Variants in XPO4 observed in about 807,000 individuals in gnomAD.
XPO4 encodes exportin 4.
Under a neutral mutation model 143.0 loss-of-function variants are expected in XPO4, and 39 were observed. The observed-to-expected ratio is 0.27, with a 90% CI of 0.21 to 0.36. The LOEUF is 0.36. Among genes scored for constraint, XPO4 ranks in the 10% least tolerant of loss-of-function variants. The pLI is 1.00. For synonymous variants in XPO4, 439 were observed against 474.0 expected (o/e 0.93, Z 0.96); for missense variants, 907 against 1,348.0 (o/e 0.67, Z 5.12).
chr13:20,896,580 C>T (rs1401642898), intron 1 of XPO4, among the ~76,000 whole-genome samples: 1 of 152,120 alleles, frequency 6.6e-6, no homozygotes, highest in East Asian at 1.9e-4. Flanking sequence ...ATTTTTCTTA[C>T]ATCTGGTCAT....
intron 20 of XPO4, among the ~76,000 whole-genome samples, chr13:20,788,148 C>T (rs1346966815): frequency 6.6e-5 from 10 of 151,600 alleles, no homozygotes; most frequent in African/African-American, 2.4e-5. Context: ...CTCCGCCTCC[C>T]GGGTTCAAGC....
chr13:20,812,882 G>GA (rs548422624), intron 9 of XPO4, among the ~76,000 whole-genome samples: 103 of 151,656 alleles, frequency 6.8e-4, no homozygotes, highest in African/African-American at 2.4e-3. Flanking sequence ...TTTAAATACA[G>GA]AAAAAAAGTG....
intron 1 of XPO4, among the ~76,000 whole-genome samples, chr13:20,881,433 TA>T (rs2060408719): frequency 6.6e-6 from 1 of 152,084 alleles, no homozygotes; most frequent in Admixed American, 6.6e-5. Context: ...CATGCCCAGC[TA>T]ATTTTTTTGG....
At chr13:20,852,567 T>C in intron 4 of XPO4, 2 of 983,316 alleles carry the variant, frequency 2.0e-6, no homozygotes, top group Non-Finnish European at 2.4e-6. Flanking sequence ...CATGAACAAA[T>C]CTTATAATAT....
chr13:20,849,977 G>A (rs932862068), intron 4 of XPO4: 5 of 542,308 alleles, frequency 9.2e-6, no homozygotes, highest in Non-Finnish European at 1.2e-5. Flanking sequence ...ATAGTGGCAT[G>A]CGCCTGTAGT....
At chr13:20,807,410 A>T (rs1425158691) in intron 13 of XPO4, 47 bp downstream of exon 13, 3 of 1,544,792 alleles carry the variant, frequency 1.9e-6, no homozygotes. Flanking sequence ...CAGAATTTAT[A>T]AAACAGTATA....
At chr13:20,864,376 C>T (rs1366561033) in intron 2 of XPO4, among the ~76,000 whole-genome samples, 1 of 152,084 alleles carries the variant, frequency 6.6e-6, no homozygotes, top group Non-Finnish European at 1.5e-5. Context: ...TTTTCTACTG[C>T]AATAGTAAAA....
chr13:20,780,180 A>C lies in XPO4; in HGVS notation c.*3542T>G, dbSNP rs981150710. ...GAGGTTCCTTCTGACTTAAAAGGTT[A>C]ATGTTTTATTCAGGAACCAATAACA... On this transcript the variant is annotated 3_prime_UTR_variant, in exon 23 of 23. Coordinates refer to ENST00000255305, the MANE Select transcript of XPO4 (RefSeq NM_022459.5). 6.6e-6 allele frequency: 1 copy of C among 152,230 alleles called. No individual in the cohort carries two copies. The highest frequency in any genetic ancestry group is 1.5e-5 in the Non-Finnish European group (1 of 68,038). The allele number at this position is 152,230 out of a possible 1,614,324, so 9.4% of individuals were successfully genotyped here.
At position 20,843,845 on chromosome 13, in the gene XPO4, T is replaced by C; in HGVS notation, c.498A>G (p.Glu166=). 6.2e-7 allele frequency: 1 copy of C among 1,613,410 alleles called. No individual in the cohort carries two copies. The highest frequency in any genetic ancestry group is 1.7e-4 in the Middle Eastern group (1 of 6,054). ...ACSILTALLS[E]FSSSSKTSNI... is the part of the protein sequence containing the mutation. ...TGCTAGTTTTACTTGAACTTGAAAA[T>C]TCACTCAATAGCGCAGTCAGAATAG... The change falls in exon 5 of 23, where the codon GAA becomes GAG. Residue 166 remains glutamate, a synonymous_variant. Coordinates refer to ENST00000255305, the MANE Select transcript of XPO4 (RefSeq NM_022459.5).
chr13:20,787,039 C>A lies in XPO4; in HGVS notation c.3184G>T (p.Val1062Phe). The A allele has an allele frequency of 6.4e-7, 1 of 1,564,550 alleles. No homozygotes were observed. Among genetic ancestry groups the A allele is most frequent in the Non-Finnish European group, 8.7e-7 (1 of 1,152,016 alleles). Residue 1062 changes from valine to phenylalanine, a missense_variant, in exon 22 of 23, where the codon GTT becomes TTT. Val to Phe is a conservative substitution (Grantham distance 50, BLOSUM62 -1). Coordinates refer to ENST00000255305, the MANE Select transcript of XPO4 (RefSeq NM_022459.5). ...ATCTCTGTGTTGTGCTTTTGCAAAACCAGCATATCAAAAACCAGCTGAAAT... is the reference window on the plus strand; with the variant it reads ...ATCTCTGTGTTGTGCTTTTGCAAAAACAGCATATCAAAAACCAGCTGAAAT... ...HFLKLVFDML[V>F]LQKHNTEMTT...
intron 6 of XPO4, among the ~76,000 whole-genome samples, chr13:20,841,117 T>C (rs2059969088): frequency 6.6e-6 from 1 of 152,220 alleles, no homozygotes; most frequent in Admixed American, 6.5e-5. Flanking sequence ...CTTTAAAATA[T>C]ATGCAGTGTA....
intron 1 of XPO4, among the ~76,000 whole-genome samples, chr13:20,887,440 T>C (rs914482812): frequency 6.6e-6 from 1 of 152,184 alleles, no homozygotes; most frequent in Admixed American, 6.5e-5. Flanking sequence ...ATTAAAAATA[T>C]TAATAAAAAG....
chr13:20,830,225 T>C (rs572777848), intron 6 of XPO4, among the ~76,000 whole-genome samples: 5 of 152,314 alleles, frequency 3.3e-5, no homozygotes, highest in African/African-American at 9.6e-5. Flanking sequence ...TCCTTACACG[T>C]GGCCACGAGC....
chr13:20,894,976 G>C (rs942200498), intron 1 of XPO4, among the ~76,000 whole-genome samples: 3 of 152,016 alleles, frequency 2.0e-5, no homozygotes, highest in Non-Finnish European at 2.9e-5. Flanking sequence ...TCAGGAGTTT[G>C]AGAACAGCCT....
Position 20,874,360 on chromosome 13 carries a change from CTTG to C in XPO4, c.70-5662_70-5660del, listed in dbSNP as rs141935978. On this transcript the variant is annotated intron_variant, in intron 1 of 22. Coordinates refer to ENST00000255305, the MANE Select transcript of XPO4 (RefSeq NM_022459.5). ...TTTAAGGATTTCTTAGGTTTAATTT[CTTG>C]TTTATCTTTGACAGAGACAGACGGT... Among the ~76,000 whole-genome samples the C allele has an allele frequency of 1.5e-3, 230 of 152,300 alleles. 4 individuals are homozygous for C. In the East Asian group the frequency reaches 0.042, roughly 27 times the overall value.
chr13:20,877,019 CACAGAGTGCTGATTGGTGCGTTTTT>C (rs1173610774), intron 1 of XPO4, among the ~76,000 whole-genome samples: 2 of 152,116 alleles, frequency 1.3e-5, no homozygotes, highest in East Asian at 1.9e-4. Flanking sequence ...TTTAGCTAGA[CACAGAGTGCTGATTGGTGCGTTTTT>C]ACAGAGTGCT....
chr13:20,853,319 C>A (rs1210385974), intron 4 of XPO4, among the ~76,000 whole-genome samples: 1 of 118,110 alleles, frequency 8.5e-6, no homozygotes, highest in Non-Finnish European at 1.7e-5. Flanking sequence ...TGCAACAGAG[C>A]AAGTGAGACC....
At chr13:20,809,641 A>G in intron 10 of XPO4, 150 bp downstream of exon 10, 1 of 783,874 alleles carries the variant, frequency 1.3e-6, no homozygotes, top group Non-Finnish European at 1.9e-6. Context: ...TCCCATTTTA[A>G]TAAGAACTCA....
Position 20,790,580 on chromosome 13 carries a change from T to A in XPO4, c.2798A>T (p.Asp933Val). The change falls in exon 19 of 23, where the codon GAT becomes GTT. Residue 933 changes from aspartate to valine, a missense_variant and splice_region_variant. Physicochemically the swap from Asp to Val is radical, Grantham distance 152. Transcript: ENST00000255305. ...TGGCTCATGTCCTCTAAACACTTCA[T>A]CTATTAAAATAAAAGGATGCAGGCT... ...SKEFIDFSDT[D>V]EVFRGHEPGQ... is the part of the protein sequence containing the mutation. 1 of 1,611,828 alleles carries A rather than the reference T, an allele frequency of 6.2e-7. No individual in the cohort carries two copies. Among genetic ancestry groups the A allele is most frequent in the Non-Finnish European group, 8.5e-7 (1 of 1,178,094 alleles).
Sources: gnomAD v4.1 joint callset for allele counts (sites outside exome capture counted in the v4.1 genomes callset) on GRCh38, gnomAD v4.1.1 for gene constraint, MANE v1.5 for transcripts, NCBI Gene and HGNC (gene_info 2026-07-23, HGNC 2026-07-21) for gene names.